Variants in DPYD observed in about 807,000 individuals in gnomAD.
The protein encoded by DPYD is dihydropyrimidine dehydrogenase [NADP(+)].
Under a neutral mutation model 116.2 loss-of-function variants are expected in DPYD, and 109 were observed. The observed-to-expected ratio is 0.94, with a 90% CI of 0.80 to 1.10. DPYD has a LOEUF of 1.10. Among genes scored for constraint, DPYD ranks in the 50% least tolerant of loss-of-function variants. DPYD has a pLI of 0.00. For synonymous variants in DPYD, 440 were observed against 432.0 expected, an observed-to-expected ratio of 1.02 and a Z score of -0.23; for missense variants, 1,302 against 1,254.5, an observed-to-expected ratio of 1.04 and a Z score of -0.57.
chr1:97,605,278 C>T (rs1655515651), intron 8 of DPYD, among the ~76,000 whole-genome samples: 2 of 152,240 alleles, frequency 1.3e-5, no homozygotes, highest in South Asian at 4.2e-4. Flanking sequence ...ACCCAAATCT[C>T]ATCTTGAATT....
Position 97,836,568 on chromosome 1 carries a change from T to C in DPYD, c.151-8372A>G, listed in dbSNP as rs150111500. The stretch of plus-strand genomic sequence containing the variant: ...AGAACATACTTAGAAGGATCACTTA[T>C]TTTAAAAATACGTTGTTTAAAAAAC... On this transcript the variant is annotated intron_variant, in intron 2 of 22. Coordinates refer to ENST00000370192, the MANE Select transcript of DPYD (RefSeq NM_000110.4). Among the ~76,000 whole-genome samples the C allele has an allele frequency of 2.0e-3, 310 of 152,236 alleles. 2 individuals carry two copies. Among genetic ancestry groups the C allele is most frequent in the African/African-American group, 7.0e-3 (290 of 41,580 alleles).
chr1:97,321,949 T>C (rs1442896151), intron 16 of DPYD, among the ~76,000 whole-genome samples: 1 of 39,844 alleles, frequency 2.5e-5, no homozygotes, highest in Non-Finnish European at 5.5e-5. Flanking sequence ...ATGGATGAAA[T>C]TGGAAACCAT....
intron 21 of DPYD, among the ~76,000 whole-genome samples, chr1:97,088,538 A>G (rs997138475): frequency 6.6e-6 from 1 of 152,102 alleles, no homozygotes; most frequent in African/African-American, 2.4e-5. Flanking sequence ...GCCTGTCCCT[A>G]TTAACCATCT....
At chr1:97,812,879 A>G (rs1266377510) in intron 3 of DPYD, among the ~76,000 whole-genome samples, 2 of 152,134 alleles carry the variant, frequency 1.3e-5, no homozygotes, top group African/African-American at 2.4e-5. Flanking sequence ...TGTGACAAAA[A>G]TATTTATCAT....
intron 14 of DPYD, among the ~76,000 whole-genome samples, chr1:97,415,023 G>A (rs967674169): frequency 2.0e-5 from 3 of 152,048 alleles, no homozygotes; most frequent in African/African-American, 7.2e-5. Flanking sequence ...TAAGTAGCAT[G>A]GCTGTTTTTA....
Position 97,290,886 on chromosome 1 carries a change from A to G in DPYD, c.2299+14373T>C, listed in dbSNP as rs1452870031. On this transcript the variant is annotated intron_variant, in intron 18 of 22. Transcript: ENST00000370192. ...CTGCACAGCAAAAGAAACTACCATC[A>G]GAGTGAACAGGCAACCTACAAAATG... 4.6e-5 allele frequency among the ~76,000 whole-genome samples: 7 copies of G among 152,222 alleles called. No individual in the cohort carries two copies. In the South Asian group the frequency reaches 1.5e-3, roughly 32 times the overall value.
At chr1:97,521,025 G>C (rs574909033) in intron 12 of DPYD, among the ~76,000 whole-genome samples, 18 of 152,138 alleles carry the variant, frequency 1.2e-4, no homozygotes, top group Non-Finnish European at 2.2e-4. Context: ...GGTATTTCTG[G>C]TTCTAGATCC....
At chr1:97,380,710 A>C (rs946813119) in intron 15 of DPYD, among the ~76,000 whole-genome samples, 1 of 152,200 alleles carries the variant, frequency 6.6e-6, no homozygotes, top group African/African-American at 2.4e-5. Flanking sequence ...TTACATCCCT[A>C]TATCACCACC....
intron 20 of DPYD, among the ~76,000 whole-genome samples, chr1:97,175,561 G>C (rs1330536798): frequency 1.3e-5 from 2 of 152,254 alleles, no homozygotes; most frequent in East Asian, 3.9e-4. Context: ...TCAGAATCTT[G>C]GTGAATTCAT....
chr1:97,565,928 TA>T (rs1479211045), intron 11 of DPYD, among the ~76,000 whole-genome samples: 2 of 152,202 alleles, frequency 1.3e-5, no homozygotes, highest in Non-Finnish European at 2.9e-5. Context: ...ATGCATGAAG[TA>T]AGTAGGCTGA....
chr1:97,853,327 C>A (rs1445525689), intron 2 of DPYD, among the ~76,000 whole-genome samples: 1 of 152,202 alleles, frequency 6.6e-6, no homozygotes, highest in Non-Finnish European at 1.5e-5. Context: ...CAGTTATGCA[C>A]AGTCTTAAGC....
At chr1:97,587,839 G>GAA (rs1277387224) in intron 10 of DPYD, among the ~76,000 whole-genome samples, 1 of 120,784 alleles carries the variant, frequency 8.3e-6, no homozygotes, top group Admixed American at 8.3e-5. Flanking sequence ...AAAAAAAAAA[G>GAA]AAAAAAAAAA....
intron 3 of DPYD, among the ~76,000 whole-genome samples, chr1:97,783,772 G>T (rs1374936982): frequency 1.3e-5 from 2 of 152,194 alleles, no homozygotes; most frequent in Non-Finnish European, 2.9e-5. Flanking sequence ...AAAAGTTGCA[G>T]ATTCGGAAGA....
intron 1 of DPYD, among the ~76,000 whole-genome samples, chr1:97,906,538 T>C (rs1031018770): frequency 1.3e-5 from 2 of 152,194 alleles, no homozygotes; most frequent in East Asian, 1.9e-4. Context: ...ACTTATAAAA[T>C]TGAACTATGG....
At chr1:97,081,740 A>G (rs1160312372) in intron 22 of DPYD, among the ~76,000 whole-genome samples, 1 of 122,330 alleles carries the variant, frequency 8.2e-6, no homozygotes, top group Non-Finnish European at 1.6e-5. Flanking sequence ...TTTTTCCTGC[A>G]TGGTAGATGC....
chr1:97,371,442 A>G (rs1671307405), intron 16 of DPYD, among the ~76,000 whole-genome samples: 1 of 152,134 alleles, frequency 6.6e-6, no homozygotes, highest in South Asian at 2.1e-4. Flanking sequence ...CTGAGTATAA[A>G]TTCTGCACCC....
intron 3 of DPYD, among the ~76,000 whole-genome samples, chr1:97,757,656 A>AT (rs1665322564): frequency 6.6e-6 from 1 of 152,176 alleles, no homozygotes; most frequent in Non-Finnish European, 1.5e-5. Flanking sequence ...AAATAGGAAT[A>AT]TTTTTGCCTT....
intron 5 of DPYD, chr1:97,720,296 T>C: frequency 1.0e-6 from 1 of 985,456 alleles, no homozygotes; most frequent in Non-Finnish European, 1.2e-6. Context: ...ACCTTTCACT[T>C]ACTGCATCTG....
chr1:97,087,179 C>G (rs1486272649), intron 21 of DPYD, among the ~76,000 whole-genome samples: 1 of 152,148 alleles, frequency 6.6e-6, no homozygotes, highest in Non-Finnish European at 1.5e-5. Context: ...CCCTACTTCC[C>G]CTACAACATC....
Sources: gnomAD v4.1 joint callset for allele counts (sites outside exome capture counted in the v4.1 genomes callset) on GRCh38, gnomAD v4.1.1 for gene constraint, MANE v1.5 for transcripts, NCBI Gene and HGNC (gene_info 2026-07-23, HGNC 2026-07-21) for gene names.